The following RUNX2 variants were observed in gnomAD, a reference collection of about 807,000 sequenced individuals.
RUNX2 encodes RUNX family transcription factor 2, also known as runt-related transcription factor 2.
Under a neutral mutation model 51.7 loss-of-function variants are expected in RUNX2, and 10 were observed. That is an observed-to-expected ratio of 0.19 (90% CI 0.12 to 0.33). RUNX2 has a LOEUF of 0.33. RUNX2 is among the 10% of genes least tolerant of loss of function. The pLI, the probability that RUNX2 is intolerant of heterozygous loss-of-function variation, is 1.00. For missense variants in RUNX2, 562 were observed against 691.3 expected, an observed-to-expected ratio of 0.81 and a Z score of 2.10; for synonymous variants, 276 against 273.6, an observed-to-expected ratio of 1.01 and a Z score of -0.09.
intron 7 of RUNX2, among the ~76,000 whole-genome samples, chr6:45,522,620 G>C (rs1266989113): frequency 6.6e-6 from 1 of 152,196 alleles, no homozygotes; most frequent in African/African-American, 2.4e-5. Context: ...CCCTAAGTCA[G>C]GGGCCTAGTC....
intron 5 of RUNX2, among the ~76,000 whole-genome samples, chr6:45,453,063 A>T (rs1325864010): frequency 6.6e-6 from 1 of 151,982 alleles, no homozygotes; most frequent in East Asian, 1.9e-4. Flanking sequence ...GGTCCTTGGC[A>T]CTTCTGATGT....
chr6:45,426,456 G>C (rs1475028022), intron 3 of RUNX2, among the ~76,000 whole-genome samples: 1 of 152,160 alleles, frequency 6.6e-6, no homozygotes, highest in Non-Finnish European at 1.5e-5. Flanking sequence ...GCATCCAGTA[G>C]CACCCTTTTA....
chr6:45,447,456 A>G (rs546503034), intron 5 of RUNX2, among the ~76,000 whole-genome samples: 33 of 151,732 alleles, frequency 2.2e-4, no homozygotes, highest in Non-Finnish European at 3.5e-4. Context: ...TAGCTTTCCT[A>G]CTCTATTGGT....
chr6:45,346,614 C>A (rs1036273692), intron 2 of RUNX2, among the ~76,000 whole-genome samples: 1 of 150,012 alleles, frequency 6.7e-6, no homozygotes, highest in Non-Finnish European at 1.5e-5. Context: ...ATTGCCCAGG[C>A]CAAAGTGCAG....
chr6:45,474,034 A>G (rs1416051463), intron 5 of RUNX2, among the ~76,000 whole-genome samples: 2 of 152,246 alleles, frequency 1.3e-5, no homozygotes, highest in Non-Finnish European at 2.9e-5. Flanking sequence ...TTAAAAGAAA[A>G]GAAAAATTGC....
chr6:45,371,143 T>C (rs1041193430), intron 2 of RUNX2, among the ~76,000 whole-genome samples: 5 of 152,194 alleles, frequency 3.3e-5, no homozygotes, highest in Non-Finnish European at 4.4e-5. Flanking sequence ...GGTAAGTGTA[T>C]TTGACAAACA....
chr6:45,372,127 T>G (rs1377665937), intron 2 of RUNX2: 1 of 584,198 alleles, frequency 1.7e-6, no homozygotes, highest in South Asian at 7.5e-5. Flanking sequence ...CAAACCACAA[T>G]GGAAGCAGTA....
At chr6:45,401,410 G>A (rs917821573) in intron 2 of RUNX2, among the ~76,000 whole-genome samples, 6 of 152,156 alleles carry the variant, frequency 3.9e-5, no homozygotes, top group Non-Finnish European at 7.3e-5. Flanking sequence ...ATACATGTGA[G>A]GCTATATTGT....
chr6:45,541,531 T>A (rs1279590888), intron 7 of RUNX2, among the ~76,000 whole-genome samples: 1 of 152,220 alleles, frequency 6.6e-6, no homozygotes, highest in Non-Finnish European at 1.5e-5. Flanking sequence ...TTCGGATTTA[T>A]TTGAGATTTG....
chr6:45,364,743 T>G (rs1201079576), intron 2 of RUNX2, among the ~76,000 whole-genome samples: 2 of 152,192 alleles, frequency 1.3e-5, no homozygotes, highest in African/African-American at 4.8e-5. Flanking sequence ...ACACAGTGAT[T>G]TCAAATATTA....
chr6:45,351,649 T>C (rs999274740), intron 2 of RUNX2, among the ~76,000 whole-genome samples: 1 of 152,026 alleles, frequency 6.6e-6, no homozygotes, highest in African/African-American at 2.4e-5. Flanking sequence ...TTCACTAAAA[T>C]CTCCAATCCC....
intron 2 of RUNX2, among the ~76,000 whole-genome samples, chr6:45,372,265 T>G (rs1273095277): frequency 6.6e-6 from 1 of 152,212 alleles, no homozygotes; most frequent in African/African-American, 2.4e-5. Context: ...CTCTTATAGG[T>G]TACATAAAAT....
At position 45,431,573 on chromosome 6, in the gene RUNX2, C is replaced by T. The variant is rs545582868; in HGVS notation, c.424-290C>T. ...TCTTCCTTCTGTGGCATAATTCCTA[C>T]GGACAGCTTAACATGGGGATTTAAT... On this transcript the variant is annotated intron_variant, in intron 3 of 8. Transcript: ENST00000647337. Among the ~76,000 whole-genome samples, 498 of 152,270 alleles carry T rather than the reference C, an allele frequency of 3.3e-3. 6 individuals carry two copies. The highest frequency in any genetic ancestry group is 0.027 in the South Asian group (132 of 4,826).
intron 7 of RUNX2, among the ~76,000 whole-genome samples, chr6:45,534,419 A>G (rs1254433588): frequency 6.6e-6 from 1 of 152,198 alleles, no homozygotes. Context: ...AACCAAATGT[A>G]TGTAAAAGCA....
chr6:45,352,653 A>T (rs1194187021), intron 2 of RUNX2, among the ~76,000 whole-genome samples: 1 of 152,166 alleles, frequency 6.6e-6, no homozygotes, highest in Non-Finnish European at 1.5e-5. Context: ...AGTACTATGG[A>T]GCAACTGTAC....
intron 2 of RUNX2, among the ~76,000 whole-genome samples, chr6:45,350,867 C>A (rs998060027): frequency 1.3e-5 from 2 of 152,258 alleles, no homozygotes; most frequent in East Asian, 3.9e-4. Flanking sequence ...CCCCAACCCC[C>A]AGTTCCAGTT....
At chr6:45,480,133 C>G (rs922951021) in intron 5 of RUNX2, among the ~76,000 whole-genome samples, 2 of 152,204 alleles carry the variant, frequency 1.3e-5, no homozygotes, top group African/African-American at 4.8e-5. Flanking sequence ...AAGCAATTAT[C>G]TGTCTATCAA....
intron 7 of RUNX2, among the ~76,000 whole-genome samples, chr6:45,516,263 AC>A (rs1801317516): frequency 6.6e-6 from 1 of 152,228 alleles, no homozygotes; most frequent in Non-Finnish European, 1.5e-5. Flanking sequence ...GAGGTACAAT[AC>A]AATGATTCAG....
chr6:45,535,611 AAAAAAGAAAG>A (rs1209773692), intron 7 of RUNX2, among the ~76,000 whole-genome samples: 2 of 152,040 alleles, frequency 1.3e-5, no homozygotes, highest in African/African-American at 2.4e-5. Context: ...CTCAAAAAAA[AAAAAAGAAAG>A]AAAAAGAAAG....
Sources: gnomAD v4.1 joint callset for allele counts (sites outside exome capture counted in the v4.1 genomes callset) on GRCh38, gnomAD v4.1.1 for gene constraint, MANE v1.5 for transcripts, NCBI Gene and HGNC (gene_info 2026-07-23, HGNC 2026-07-21) for gene names.